The following PTPRM variants were observed in gnomAD, a reference collection of about 807,000 sequenced individuals.
PTPRM encodes receptor-type tyrosine-protein phosphatase mu.
Under a neutral mutation model 186.7 loss-of-function variants are expected in PTPRM, and 47 were observed. The observed-to-expected ratio is 0.25, with a 90% CI of 0.20 to 0.32. The LOEUF (loss-of-function observed/expected upper bound fraction) is 0.32. PTPRM is among the 10% of genes least tolerant of loss of function. PTPRM has a pLI of 1.00. For missense variants in PTPRM, 1,494 were observed against 1,865.0 expected, an observed-to-expected ratio of 0.80 and a Z score of 3.66; for synonymous variants, 668 against 674.9, an observed-to-expected ratio of 0.99 and a Z score of 0.16.
At chr18:8,031,006 T>G (rs1218870788) in intron 7 of PTPRM, among the ~76,000 whole-genome samples, 2 of 152,246 alleles carry the variant, frequency 1.3e-5, no homozygotes, top group Non-Finnish European at 2.9e-5. Flanking sequence ...TTCTCCATTT[T>G]TGGAAGAGTG....
At chr18:8,082,535 C>G (rs1455249483) in intron 9 of PTPRM, among the ~76,000 whole-genome samples, 1 of 144,988 alleles carries the variant, frequency 6.9e-6, no homozygotes, top group East Asian at 2.2e-4. Context: ...CCCTCCCTCT[C>G]TCCCCTTCTC....
chr18:8,048,853 A>G (rs1470754562), intron 7 of PTPRM, among the ~76,000 whole-genome samples: 1 of 152,216 alleles, frequency 6.6e-6, no homozygotes, highest in Non-Finnish European at 1.5e-5. Context: ...TATTTGATTC[A>G]CTTTTTTCAT....
chr18:7,856,011 C>T (rs1202400507), intron 2 of PTPRM, among the ~76,000 whole-genome samples: 1 of 152,150 alleles, frequency 6.6e-6, no homozygotes, highest in Non-Finnish European at 1.5e-5. Flanking sequence ...ATAACACTTG[C>T]TCATCAGCTT....
chr18:7,703,717 G>C (rs964345353), intron 1 of PTPRM, among the ~76,000 whole-genome samples: 1 of 152,170 alleles, frequency 6.6e-6, no homozygotes, highest in Non-Finnish European at 1.5e-5. Flanking sequence ...GTGTTGAATA[G>C]GAGTGGTGAG....
At chr18:8,349,568 C>G (rs181481077) in intron 23 of PTPRM, among the ~76,000 whole-genome samples, 6 of 152,160 alleles carry the variant, frequency 3.9e-5, no homozygotes, top group Non-Finnish European at 8.8e-5. Flanking sequence ...CTGACATAAG[C>G]CTTACCTCCC....
chr18:7,743,665 CAG>C (rs1308376705), intron 1 of PTPRM, among the ~76,000 whole-genome samples: 2 of 152,104 alleles, frequency 1.3e-5, no homozygotes, highest in Non-Finnish European at 2.9e-5. Context: ...TGGCTAATGT[CAG>C]TGAATTTTTC....
At chr18:7,622,284 G>A (rs1334749731) in intron 1 of PTPRM, among the ~76,000 whole-genome samples, 1 of 151,952 alleles carries the variant, frequency 6.6e-6, no homozygotes, top group Non-Finnish European at 1.5e-5. Flanking sequence ...TATGTACTGT[G>A]TATATGCATT....
At chr18:8,028,165 G>A (rs1450949001) in intron 7 of PTPRM, among the ~76,000 whole-genome samples, 1 of 152,136 alleles carries the variant, frequency 6.6e-6, no homozygotes, top group East Asian at 1.9e-4. Flanking sequence ...ACCACACCAG[G>A]CTAATTTTTT....
At chr18:8,182,372 T>C (rs1055736726) in intron 14 of PTPRM, among the ~76,000 whole-genome samples, 1 of 152,182 alleles carries the variant, frequency 6.6e-6, no homozygotes, top group Admixed American at 6.5e-5. Context: ...ACACCCTCCC[T>C]CCTCAAGACT....
At chr18:8,270,905 C>T (rs535082065) in intron 19 of PTPRM, among the ~76,000 whole-genome samples, 27 of 151,948 alleles carry the variant, frequency 1.8e-4, no homozygotes, top group East Asian at 9.7e-4. Flanking sequence ...GAAGAAGTTC[C>T]GGGAAACTAA....
At chr18:7,590,705 A>G (rs760054367) in intron 1 of PTPRM, among the ~76,000 whole-genome samples, 37 of 152,214 alleles carry the variant, frequency 2.4e-4, no homozygotes, top group Non-Finnish European at 3.8e-4. Context: ...GATGTGGGAC[A>G]AAAACTAGTG....
chr18:7,567,976 C>T lies in PTPRM; in HGVS notation c.73+85C>T, dbSNP rs368185752. The T allele has an allele frequency of 6.0e-5, 80 of 1,327,522 alleles. 2 individuals carry two copies. In the East Asian group the frequency reaches 6.1e-4, roughly 10 times the overall value. The allele number at this position is 1,327,522 out of a possible 1,614,324, so 82.2% of individuals were successfully genotyped here. ...CGCCGACAGCTCCCTGGTGGTAGAG[C>T]CCTAAGGCTGGCGTCGGGGCCGGGC... On this transcript the variant is annotated intron_variant, in intron 1 of 32. Coordinates refer to ENST00000580170, the MANE Select transcript of PTPRM (RefSeq NM_001105244.2). The surrounding 1 kb of genome is among the most constrained non-coding windows in gnomAD (Gnocchi z 4.3).
chr18:7,778,240 A>G (rs1244179197), intron 2 of PTPRM, among the ~76,000 whole-genome samples: 1 of 152,158 alleles, frequency 6.6e-6, no homozygotes, highest in Non-Finnish European at 1.5e-5. Flanking sequence ...AGCTCTGGAA[A>G]TACATATTTA....
intron 2 of PTPRM, among the ~76,000 whole-genome samples, chr18:7,861,990 C>T (rs758886541): frequency 5.3e-5 from 8 of 152,096 alleles, no homozygotes; most frequent in Non-Finnish European, 1.0e-4. Flanking sequence ...TTATAATGCA[C>T]ATGGTCATAA....
rs78469286 is a variant in PTPRM at position 8,197,176 on chromosome 18, T to G, written c.2301-46882T>G. 3.5e-3 allele frequency among the ~76,000 whole-genome samples: 533 copies of G among 152,310 alleles called. 1 individual carries two copies. Among genetic ancestry groups the G allele is most frequent in the African/African-American group, 0.012 (491 of 41,570 alleles). On this transcript the variant is annotated intron_variant, in intron 14 of 32. Transcript: ENST00000580170. ...TTAAATAACATTATAGTCATGGTCT[T>G]TATGAGCGTTAGGCCAATGTTCTAT...
intron 14 of PTPRM, among the ~76,000 whole-genome samples, chr18:8,189,855 G>A (rs1322017190): frequency 1.3e-5 from 2 of 152,144 alleles, no homozygotes; most frequent in African/African-American, 2.4e-5. Context: ...TAATTTGTTT[G>A]CATTTAAAAT....
At chr18:7,892,124 T>C (rs975662299) in intron 3 of PTPRM, among the ~76,000 whole-genome samples, 1 of 152,148 alleles carries the variant, frequency 6.6e-6, no homozygotes, top group African/African-American at 2.4e-5. Flanking sequence ...GCACTCCTAG[T>C]TGATATCAGA....
intron 1 of PTPRM, among the ~76,000 whole-genome samples, chr18:7,646,367 C>T (rs756106114): frequency 1.3e-5 from 2 of 152,202 alleles, no homozygotes; most frequent in Non-Finnish European, 2.9e-5. Flanking sequence ...CTTTGATGGA[C>T]ATTGCTGGTG....
At chr18:8,133,323 C>G (rs2092558961) in intron 13 of PTPRM, among the ~76,000 whole-genome samples, 1 of 152,188 alleles carries the variant, frequency 6.6e-6, no homozygotes, top group South Asian at 2.1e-4. Flanking sequence ...CTGGCCATCT[C>G]TTGGCATCCT....
Sources: allele counts gnomAD v4.1 joint callset (sites outside exome capture counted in the v4.1 genomes callset), GRCh38; gene constraint gnomAD v4.1.1; non-coding constraint Gnocchi (gnomAD v3.1); transcripts MANE v1.5; gene names NCBI Gene and HGNC (gene_info 2026-07-23, HGNC 2026-07-21).